NARS2: variants seen among roughly 807,000 people sequenced by gnomAD.
NARS2 encodes asparaginyl-tRNA synthetase.
A neutral mutation model predicts 62.9 loss-of-function variants in NARS2; 60 were observed. The ratio of observed to expected loss-of-function variants is 0.95; its 90% CI spans 0.77 to 1.18. The LOEUF (loss-of-function observed/expected upper bound fraction) is 1.18. Ranked by LOEUF, NARS2 falls within the 50% of genes most tolerant of loss-of-function variation. The pLI is 0.00. For missense variants in NARS2, 619 were observed against 576.4 expected, an observed-to-expected ratio of 1.07 and a Z score of -0.76; for synonymous variants, 196 against 200.0, an observed-to-expected ratio of 0.98 and a Z score of 0.17.
intron 7 of NARS2, 37 bp downstream of exon 7, chr11:78,493,026 T>C (rs1210548675): frequency 6.9e-7 from 1 of 1,458,376 alleles, no homozygotes; most frequent in African/African-American, 1.9e-5. Flanking sequence ...CATTTTAATG[T>C]CACAGATACC....
chr11:78,549,618 C>G (rs150181363), intron 5 of NARS2, among the ~76,000 whole-genome samples: 3 of 152,206 alleles, frequency 2.0e-5, no homozygotes, highest in African/African-American at 4.8e-5. Flanking sequence ...CCCTTGAAAA[C>G]TATGTCCACA....
chr11:78,465,636 CAAAG>C (rs1165728802), intron 11 of NARS2, among the ~76,000 whole-genome samples: 2 of 152,160 alleles, frequency 1.3e-5, no homozygotes, highest in African/African-American at 4.8e-5. Context: ...CAAAACGAAA[CAAAG>C]AAAACCTAGA....
At chr11:78,479,764 G>C (rs894160376) in intron 7 of NARS2, among the ~76,000 whole-genome samples, 1 of 152,222 alleles carries the variant, frequency 6.6e-6, no homozygotes, top group Non-Finnish European at 1.5e-5. Context: ...TTGCATACCA[G>C]TAGATCCTCT....
intron 5 of NARS2, among the ~76,000 whole-genome samples, chr11:78,546,926 C>A (rs1045404213): frequency 6.6e-6 from 1 of 152,164 alleles, no homozygotes. Context: ...CTACTTGATG[C>A]AACAATTCTG....
intron 5 of NARS2, among the ~76,000 whole-genome samples, chr11:78,542,462 A>G (rs930684874): frequency 6.6e-6 from 1 of 152,168 alleles, no homozygotes; most frequent in Non-Finnish European, 1.5e-5. Flanking sequence ...AAAAATATTA[A>G]TTTTGGCTTA....
intron 5 of NARS2, among the ~76,000 whole-genome samples, chr11:78,530,029 T>C (rs144819372): frequency 1.3e-3 from 197 of 152,324 alleles, no homozygotes; most frequent in East Asian, 1.7e-3. Context: ...CTGCATATCA[T>C]GTATCGGTAT....
At chr11:78,448,416 G>A (rs1370912089) in intron 11 of NARS2, among the ~76,000 whole-genome samples, 2 of 150,466 alleles carry the variant, frequency 1.3e-5, no homozygotes, top group East Asian at 2.0e-4. Context: ...TCAGCCTCCC[G>A]AGTAGCTGGG....
At chr11:78,508,226 G>A (rs1189119452) in intron 6 of NARS2, among the ~76,000 whole-genome samples, 1 of 152,172 alleles carries the variant, frequency 6.6e-6, no homozygotes, top group African/African-American at 2.4e-5. Flanking sequence ...AAAATGAATA[G>A]AGATTAAGTG....
At chr11:78,505,254 T>C (rs756543467) in intron 6 of NARS2, among the ~76,000 whole-genome samples, 1 of 144,326 alleles carries the variant, frequency 6.9e-6, no homozygotes. Flanking sequence ...ACCTTGTCTC[T>C]TAAAGAAAAC....
intron 9 of NARS2, 44 bp downstream of exon 9, chr11:78,478,394 A>C (rs1169310545): frequency 1.2e-6 from 1 of 856,802 alleles, no homozygotes; most frequent in African/African-American, 1.7e-5. Flanking sequence ...TGTGATAAAT[A>C]CAGTGATAAT....
intron 1 of NARS2, 42 bp from the exon 2 acceptor site, chr11:78,571,486 T>A (rs1856921445): frequency 7.1e-7 from 1 of 1,401,714 alleles, no homozygotes; most frequent in African/African-American, 1.4e-5. Flanking sequence ...TAAAACATTT[T>A]ACGTTTTCAT....
intron 6 of NARS2, among the ~76,000 whole-genome samples, chr11:78,522,119 A>AT (rs59159824): frequency 0.028 from 3,762 of 134,910 alleles, 62 homozygotes; most frequent in Non-Finnish European, 0.036. Context: ...CATCCAGCTA[A>AT]TTTTTTTTTT....
chr11:78,438,273 T>C (rs1336664883), intron 13 of NARS2, among the ~76,000 whole-genome samples: 1 of 152,176 alleles, frequency 6.6e-6, no homozygotes, highest in African/African-American at 2.4e-5. Context: ...GGATATCTAG[T>C]ATAAAACTTC....
At position 78,574,435 on chromosome 11, in the gene NARS2, G is replaced by C; in HGVS notation, c.54C>G (p.Pro18=). 6.2e-7 allele frequency: 1 copy of C among 1,614,168 alleles called. No individual in the cohort carries two copies. Among genetic ancestry groups the C allele is most frequent in the Admixed American group, 1.7e-5 (1 of 60,032 alleles). Residue 18 remains proline, a synonymous_variant, in exon 1 of 14, where the codon CCC becomes CCG. Coordinates refer to ENST00000281038, the MANE Select transcript of NARS2 (RefSeq NM_024678.6). ...TGGCTGAAGGTTTGTGCTTGGGGAA[G>C]GGGGCGGAGGAACAGAAGCGCACGG... ...LRSVRFCSSA[P]FPKHKPSAKL...
chr11:78,469,394 G>A (rs1487836528), intron 9 of NARS2, 81 bp from the exon 10 acceptor site: 18 of 970,604 alleles, frequency 1.9e-5, no homozygotes, highest in South Asian at 7.9e-5. Context: ...CAGAAAAAGC[G>A]TACTCCTATA....
At position 78,442,793 on chromosome 11, in the gene NARS2, C is replaced by T. The variant is rs1280213562; in HGVS notation, c.1262+868G>A. 5.9e-5 allele frequency among the ~76,000 whole-genome samples: 9 copies of T among 152,086 alleles called. 1 individual carries two copies. Among genetic ancestry groups the T allele is most frequent in the Non-Finnish European group, 1.2e-4 (8 of 68,016 alleles). On this transcript the variant is annotated intron_variant, in intron 12 of 13. Transcript: ENST00000281038. ...CTCCAAAACATTCTCTATGTGTTTA[C>T]AGATTTGTTTCCCAGTTCTCAAACA...
At chr11:78,479,542 G>A (rs1293182841) in intron 7 of NARS2, among the ~76,000 whole-genome samples, 1 of 152,048 alleles carries the variant, frequency 6.6e-6, no homozygotes, top group Non-Finnish European at 1.5e-5. Flanking sequence ...TCTACCATGG[G>A]TGCCCATAGG....
chr11:78,574,266 G>T lies in NARS2; in HGVS notation c.141+82C>A, dbSNP rs904266881. The stretch of plus-strand genomic sequence containing the variant: ...CCCTGCTGGCGGTTGTGTCTGACCC[G>T]ACTGTAAAAGAAAAGCTAGATGTGG... On this transcript the variant is annotated intron_variant, in intron 1 of 13. Coordinates refer to ENST00000281038, the MANE Select transcript of NARS2 (RefSeq NM_024678.6). 2.6e-5 allele frequency: 41 copies of T among 1,569,334 alleles called. 1 individual carries two copies. The African/African-American group carries it at 4.9e-4, about 19-fold the overall frequency.
intron 2 of NARS2, among the ~76,000 whole-genome samples, chr11:78,570,248 C>A (rs1431799610): frequency 6.6e-6 from 1 of 152,044 alleles, no homozygotes; most frequent in Non-Finnish European, 1.5e-5. Context: ...CCCAGTTAAC[C>A]ACATAGTCTC....
Sources: allele counts gnomAD v4.1 joint callset (sites outside exome capture counted in the v4.1 genomes callset), GRCh38; gene constraint gnomAD v4.1.1; transcripts MANE v1.5; gene names NCBI Gene and HGNC (gene_info 2026-07-23, HGNC 2026-07-21).